Variants in AFF2 observed in about 807,000 individuals in gnomAD.
AFF2 encodes the protein ALF transcription elongation factor 2, also known as AF4/FMR2 family member 2.
In AFF2, 14 loss-of-function variants were observed where a neutral mutation model predicts 76.9. The ratio of observed to expected loss-of-function variants is 0.18; its 90% CI spans 0.12 to 0.28. The LOEUF is 0.28. Among genes scored for constraint, AFF2 ranks in the 10% least tolerant of loss-of-function variants. The pLI, the probability that AFF2 is intolerant of heterozygous loss-of-function variation, is 1.00. For synonymous variants in AFF2, 398 were observed against 366.7 expected, an observed-to-expected ratio of 1.09 and a Z score of -0.98; for missense variants, 868 against 1,001.1, an observed-to-expected ratio of 0.87 and a Z score of 1.79.
chrX:148,549,560 C>T (rs949503594), intron 1 of AFF2, among the ~76,000 whole-genome samples: 20 of 111,463 alleles, frequency 1.8e-4, no homozygotes, highest in Non-Finnish European at 3.2e-4. Flanking sequence ...GTCTCTGTGG[C>T]TCTCTGATCC....
At chrX:148,684,672 C>A (rs1557260190) in intron 3 of AFF2, among the ~76,000 whole-genome samples, 1 of 111,915 alleles carries the variant, frequency 8.9e-6, no homozygotes, top group Non-Finnish European at 1.9e-5. Flanking sequence ...AATGTTGGAG[C>A]TAAGCTCCTA....
intron 3 of AFF2, among the ~76,000 whole-genome samples, chrX:148,666,197 G>A (rs1186271405): frequency 2.7e-5 from 3 of 112,049 alleles, no homozygotes; most frequent in Non-Finnish European, 3.8e-5. Flanking sequence ...TAGAATTTCT[G>A]TATCAACAAT....
chrX:148,529,320 A>G (rs782785544), intron 1 of AFF2, among the ~76,000 whole-genome samples: 1 of 111,976 alleles, frequency 8.9e-6, no homozygotes, highest in East Asian at 2.8e-4. Context: ...TTCACCCATG[A>G]TGACATGAGG....
intron 7 of AFF2, among the ~76,000 whole-genome samples, chrX:148,875,485 T>C (rs1557277766): frequency 8.9e-6 from 1 of 111,930 alleles, no homozygotes; most frequent in African/African-American, 3.2e-5. Flanking sequence ...AATGGTGTCA[T>C]TGGATGATAT....
In AFF2 at chrX:148,776,365, G is replaced by A. The variant is rs187342595; in HGVS notation, c.1042-33511G>A. ...AGTAGAATGATTTATAATCCTTTGG[G>A]TATATACCCAGTAATGGGATTGCTG... On this transcript the variant is annotated intron_variant, in intron 3 of 20. Coordinates refer to ENST00000370460, the MANE Select transcript of AFF2 (RefSeq NM_002025.4). Among the ~76,000 whole-genome samples, 803 of 111,945 alleles carry A rather than the reference G, an allele frequency of 7.2e-3. 3 individuals are homozygous for A. Among genetic ancestry groups the A allele is most frequent in the Middle Eastern group, 0.014 (3 of 217 alleles).
intron 1 of AFF2, among the ~76,000 whole-genome samples, chrX:148,572,062 G>C (rs911161763): frequency 6.7e-5 from 7 of 104,685 alleles, no homozygotes; most frequent in African/African-American, 2.5e-4. Flanking sequence ...AAAAAAAACT[G>C]TTACAAAATA....
chrX:148,932,364 A>T (rs184913775), intron 9 of AFF2, among the ~76,000 whole-genome samples: 1 of 111,603 alleles, frequency 9.0e-6, no homozygotes, highest in Admixed American at 9.5e-5. Flanking sequence ...GAAAAGAATG[A>T]TTTTCTTGGG....
chrX:148,707,744 C>G (rs2054904279), intron 3 of AFF2, among the ~76,000 whole-genome samples: 1 of 111,366 alleles, frequency 9.0e-6, no homozygotes, highest in African/African-American at 3.3e-5. Context: ...AGTTTCCAAA[C>G]CAATGTTTCT....
intron 8 of AFF2, among the ~76,000 whole-genome samples, chrX:148,901,081 G>A (rs372986451): frequency 9.4e-4 from 105 of 111,946 alleles, no homozygotes; most frequent in Non-Finnish European, 1.2e-3. Flanking sequence ...CACAACCACC[G>A]TTGCTGTAGA....
chrX:148,980,803 T>G lies in AFF2; in HGVS notation c.3623+13T>G. On this transcript the variant is annotated intron_variant, in intron 19 of 20. Coordinates refer to ENST00000370460, the MANE Select transcript of AFF2 (RefSeq NM_002025.4). ...TAAGCAATGGAAAGTAAGTATTTTCTGAAAATTGCTTTTTCGTGAAGATGA... is the reference window on the plus strand; with the variant it reads ...TAAGCAATGGAAAGTAAGTATTTTCGGAAAATTGCTTTTTCGTGAAGATGA... 8.5e-7 allele frequency: 1 copy of G among 1,174,800 alleles called. No individual in the cohort carries two copies. The highest frequency in any genetic ancestry group is 1.2e-6 in the Non-Finnish European group (1 of 867,903).
intron 4 of AFF2, among the ~76,000 whole-genome samples, chrX:148,835,632 G>A (rs1330519451): frequency 9.2e-6 from 1 of 108,566 alleles, no homozygotes; most frequent in African/African-American, 3.4e-5. Context: ...CTATAGGCGC[G>A]CACCACCATG....
intron 3 of AFF2, among the ~76,000 whole-genome samples, chrX:148,734,352 A>G (rs1476316861): frequency 8.9e-6 from 1 of 111,813 alleles, no homozygotes; most frequent in African/African-American, 3.3e-5. Context: ...CTTTATGCAC[A>G]TTATCTCATG....
At chrX:148,886,357 C>A (rs1421498529) in intron 8 of AFF2, among the ~76,000 whole-genome samples, 1 of 111,081 alleles carries the variant, frequency 9.0e-6, no homozygotes, top group Non-Finnish European at 1.9e-5. Context: ...GCTTGGAACC[C>A]ATACTCATTA....
chrX:148,702,638 C>T (rs2054816130), intron 3 of AFF2, among the ~76,000 whole-genome samples: 1 of 111,766 alleles, frequency 8.9e-6, no homozygotes, highest in East Asian at 2.8e-4. Flanking sequence ...TTTGTCATTT[C>T]TGAACAGGGG....
chrX:148,823,527 C>A (rs1352402504), intron 4 of AFF2, among the ~76,000 whole-genome samples: 1 of 112,135 alleles, frequency 8.9e-6, no homozygotes, highest in Non-Finnish European at 1.9e-5. Flanking sequence ...ACACAAAACT[C>A]AGTATTTCCA....
At chrX:148,688,078 A>G in intron 3 of AFF2, among the ~76,000 whole-genome samples, 1 of 110,331 alleles carries the variant, frequency 9.1e-6, no homozygotes, top group Non-Finnish European at 1.9e-5. Context: ...ACCGAATCCT[A>G]CCTTCCTCAT....
intron 1 of AFF2, among the ~76,000 whole-genome samples, chrX:148,503,976 C>T (rs944746082): frequency 8.9e-6 from 1 of 111,770 alleles, no homozygotes; most frequent in African/African-American, 3.3e-5. Context: ...AAAGATGGCA[C>T]AGATGTCTGT....
chrX:148,540,016 A>G (rs1013731607), intron 1 of AFF2, among the ~76,000 whole-genome samples: 1 of 111,938 alleles, frequency 8.9e-6, no homozygotes, highest in African/African-American at 3.2e-5. Context: ...ACAAGATGTC[A>G]TTTCTTGTCT....
chrX:148,892,332 GT>G (rs1557279838), intron 8 of AFF2, among the ~76,000 whole-genome samples: 1 of 107,376 alleles, frequency 9.3e-6, no homozygotes, highest in Non-Finnish European at 1.9e-5. Flanking sequence ...TCATAGTTTT[GT>G]TTTTTCTTTT....
Sources: allele counts gnomAD v4.1 joint callset (sites outside exome capture counted in the v4.1 genomes callset), GRCh38; gene constraint gnomAD v4.1.1; transcripts MANE v1.5; gene names NCBI Gene and HGNC (gene_info 2026-07-23, HGNC 2026-07-21).